CEP112: variants seen among roughly 807,000 people sequenced by gnomAD.
CEP112 encodes centrosomal protein of 112 kDa.
In CEP112, 127 loss-of-function variants were observed where a neutral mutation model predicts 153.0. That is an observed-to-expected ratio of 0.83 (90% confidence interval 0.72 to 0.96). The LOEUF (loss-of-function observed/expected upper bound fraction) is 0.96. CEP112 is among the 40% of genes least tolerant of loss of function. The pLI, the probability that CEP112 is intolerant of heterozygous loss-of-function variation, is 0.00. For missense variants in CEP112, 1,089 were observed against 1,101.2 expected (o/e 0.99, Z 0.16); for synonymous variants, 358 against 374.4 (o/e 0.96, Z 0.51).
At chr17:66,056,406 C>T (rs2066689307) in intron 11 of CEP112, among the ~76,000 whole-genome samples, 1 of 152,216 alleles carries the variant, frequency 6.6e-6, no homozygotes, top group South Asian at 2.1e-4. Flanking sequence ...CCTAGGACTA[C>T]ACCTAACAGA....
intron 24 of CEP112, among the ~76,000 whole-genome samples, chr17:65,684,302 A>T (rs2047678527): frequency 1.3e-5 from 2 of 152,202 alleles, no homozygotes; most frequent in Non-Finnish European, 2.9e-5. Flanking sequence ...TCTCTAAAGT[A>T]TTGTTTTTTT....
At chr17:66,032,991 A>G (rs1176230560) in intron 12 of CEP112, among the ~76,000 whole-genome samples, 5 of 152,306 alleles carry the variant, frequency 3.3e-5, no homozygotes, top group Middle Eastern at 3.4e-3. Context: ...ATACATTCCA[A>G]CTGTAGCTTC....
intron 18 of CEP112, among the ~76,000 whole-genome samples, chr17:65,928,742 C>T (rs778601217): frequency 1.3e-5 from 2 of 152,054 alleles, no homozygotes; most frequent in South Asian, 2.1e-4. Flanking sequence ...CATGGGCCTA[C>T]AGTCTCAGCT....
intron 8 of CEP112, among the ~76,000 whole-genome samples, chr17:66,092,226 G>A (rs957053838): frequency 6.6e-6 from 1 of 151,708 alleles, no homozygotes; most frequent in Admixed American, 6.6e-5. Flanking sequence ...TTTTCATAGA[G>A]ATGGGGTTTC....
chr17:66,115,346 T>C (rs899290134), intron 6 of CEP112, among the ~76,000 whole-genome samples: 9 of 152,246 alleles, frequency 5.9e-5, no homozygotes, highest in Admixed American at 5.2e-4. Context: ...AGCTTTTTGC[T>C]GCATAACAGA....
At chr17:66,034,195 A>G (rs1211432043) in intron 12 of CEP112, among the ~76,000 whole-genome samples, 1 of 152,192 alleles carries the variant, frequency 6.6e-6, no homozygotes, top group African/African-American at 2.4e-5. Context: ...TCAAAACTGG[A>G]GTGATTTCTG....
At chr17:65,862,920 T>C (rs1264486584) in intron 20 of CEP112, among the ~76,000 whole-genome samples, 1 of 152,204 alleles carries the variant, frequency 6.6e-6, no homozygotes, top group Non-Finnish European at 1.5e-5. Context: ...AATTATGTTT[T>C]TGAATATTAC....
At chr17:65,937,651 G>A (rs1273345635) in intron 18 of CEP112, among the ~76,000 whole-genome samples, 4 of 76,286 alleles carry the variant, frequency 5.2e-5, no homozygotes, top group South Asian at 9.6e-4. Flanking sequence ...CAGCCGCCCT[G>A]TCCGGGAGGT....
At position 65,637,123 on chromosome 17, in the gene CEP112, C is replaced by A. The variant is rs770668867; in HGVS notation, c.2864+1G>T. The A allele has an allele frequency of 1.2e-5, 20 of 1,612,920 alleles. No individual in the cohort carries two copies. The highest frequency in any genetic ancestry group is 1.7e-5 in the Non-Finnish European group (20 of 1,179,010). ...ACAAGACACCTGCTTATGGGCTGTA[C>A]CTTCTGCCTTGATATGTAGTCAGTT... On this transcript the variant is annotated splice_donor_variant, in intron 26 of 26. Transcript: ENST00000535342. LOFTEE classifies it high-confidence loss of function.
At chr17:65,680,318 G>T (rs1421755301) in intron 24 of CEP112, among the ~76,000 whole-genome samples, 1 of 152,180 alleles carries the variant, frequency 6.6e-6, no homozygotes, top group Non-Finnish European at 1.5e-5. Flanking sequence ...GTCTAGACAA[G>T]AATACACTGA....
chr17:65,926,404 C>A (rs1406911109), intron 19 of CEP112, among the ~76,000 whole-genome samples: 1 of 152,158 alleles, frequency 6.6e-6, no homozygotes, highest in African/African-American at 2.4e-5. Flanking sequence ...AAGGTACCAT[C>A]TTTTCTTCTT....
chr17:65,857,300 C>T (rs1273287830), intron 20 of CEP112, among the ~76,000 whole-genome samples: 1 of 152,210 alleles, frequency 6.6e-6, no homozygotes, highest in Non-Finnish European at 1.5e-5. Context: ...GTTGGACAAG[C>T]TTGCAGTTTA....
At chr17:65,802,695 A>G (rs2055352226) in intron 21 of CEP112, among the ~76,000 whole-genome samples, 1 of 152,222 alleles carries the variant, frequency 6.6e-6, no homozygotes, top group Non-Finnish European at 1.5e-5. Flanking sequence ...TGTTCTTACT[A>G]GACTATAGGC....
chr17:65,834,337 A>G (rs918072468), intron 21 of CEP112, among the ~76,000 whole-genome samples: 5 of 152,294 alleles, frequency 3.3e-5, no homozygotes, highest in African/African-American at 1.2e-4. Flanking sequence ...CAACAAAAAC[A>G]AAAGTTGACA....
intron 21 of CEP112, among the ~76,000 whole-genome samples, chr17:65,758,184 ATAG>A (rs1809385192): frequency 6.6e-6 from 1 of 152,160 alleles, no homozygotes; most frequent in Non-Finnish European, 1.5e-5. Flanking sequence ...AGTAGTAGAA[ATAG>A]TAGTAGTCAT....
chr17:66,032,820 T>C (rs1238039870), intron 12 of CEP112, among the ~76,000 whole-genome samples: 1 of 152,148 alleles, frequency 6.6e-6, no homozygotes, highest in African/African-American at 2.4e-5. Context: ...ACTCAAAATA[T>C]ATGAGACATC....
At chr17:65,806,746 G>T (rs2055627677) in intron 21 of CEP112, among the ~76,000 whole-genome samples, 1 of 152,176 alleles carries the variant, frequency 6.6e-6, no homozygotes, top group African/African-American at 2.4e-5. Flanking sequence ...ATGATTGTAA[G>T]TTTCCTGGGG....
At chr17:66,074,154 G>A (rs1226270332) in intron 8 of CEP112, among the ~76,000 whole-genome samples, 1 of 151,834 alleles carries the variant, frequency 6.6e-6, no homozygotes, top group Non-Finnish European at 1.5e-5. Context: ...ATTATAAAAA[G>A]GAAACAAATG....
chr17:65,931,919 G>A (rs1209982870), intron 18 of CEP112, among the ~76,000 whole-genome samples: 2 of 152,186 alleles, frequency 1.3e-5, no homozygotes, highest in African/African-American at 2.4e-5. Flanking sequence ...CCATCTGAGT[G>A]GCTGGCTGAG....
Sources: gnomAD v4.1 joint callset for allele counts (sites outside exome capture counted in the v4.1 genomes callset) on GRCh38, gnomAD v4.1.1 for gene constraint, MANE v1.5 for transcripts, NCBI Gene and HGNC (gene_info 2026-07-23, HGNC 2026-07-21) for gene names.